Variants in FSD1L observed in about 807,000 individuals in gnomAD.
FSD1L encodes fibronectin type III and SPRY domain containing 1 like, also known as FSD1-like protein.
A neutral mutation model predicts 71.6 loss-of-function variants in FSD1L; 45 were observed. The ratio of observed to expected loss-of-function variants is 0.63; its 90% CI spans 0.49 to 0.81. FSD1L has a LOEUF of 0.81. Ranked by LOEUF, FSD1L falls within the 30% of genes least tolerant of loss-of-function variation. FSD1L has a pLI of 0.00. For missense variants in FSD1L, 561 were observed against 618.1 expected (o/e 0.91, Z 0.98); for synonymous variants, 197 against 207.2 (o/e 0.95, Z 0.42).
At chr9:105,501,618 A>C (rs1449024488) in intron 7 of FSD1L, among the ~76,000 whole-genome samples, 1 of 145,176 alleles carries the variant, frequency 6.9e-6, no homozygotes. Context: ...TTTTTTGCAG[A>C]GATAGAGATC....
intron 10 of FSD1L, chr9:105,520,221 C>T (rs1040517611): frequency 5.6e-6 from 9 of 1,610,562 alleles, no homozygotes; most frequent in Non-Finnish European, 7.6e-6. Context: ...CAAGCACCTG[C>T]GCATCGTCAT....
At chr9:105,480,907 C>T (rs1399934566) in intron 6 of FSD1L, among the ~76,000 whole-genome samples, 1 of 152,136 alleles carries the variant, frequency 6.6e-6, no homozygotes, top group East Asian at 1.9e-4. Context: ...CATGACCTTG[C>T]AAAATCTGTC....
intron 7 of FSD1L, among the ~76,000 whole-genome samples, chr9:105,504,981 C>T (rs1443049945): frequency 6.6e-6 from 1 of 152,112 alleles, no homozygotes; most frequent in Non-Finnish European, 1.5e-5. Flanking sequence ...TATTACTATT[C>T]TGCATTAGTG....
At chr9:105,498,437 C>T (rs945522814) in intron 7 of FSD1L, among the ~76,000 whole-genome samples, 1 of 151,948 alleles carries the variant, frequency 6.6e-6, no homozygotes, top group Non-Finnish European at 1.5e-5. Context: ...TGTTCCTAGG[C>T]TACAAACCTG....
intron 3 of FSD1L, among the ~76,000 whole-genome samples, chr9:105,465,700 CAA>C (rs1831015649): frequency 6.6e-6 from 1 of 152,108 alleles, no homozygotes; most frequent in Non-Finnish European, 1.5e-5. Context: ...TGACAGAATT[CAA>C]CATCCTTTCA....
intron 7 of FSD1L, among the ~76,000 whole-genome samples, chr9:105,491,935 A>G (rs1832970525): frequency 6.6e-6 from 1 of 152,184 alleles, no homozygotes; most frequent in Admixed American, 6.5e-5. Flanking sequence ...ATCAATGTTC[A>G]TCAAGGATAT....
intron 5 of FSD1L, among the ~76,000 whole-genome samples, chr9:105,476,641 T>G (rs1190117413): frequency 6.6e-6 from 1 of 152,226 alleles, no homozygotes; most frequent in Non-Finnish European, 1.5e-5. Context: ...TCTTTAGATC[T>G]TCTATTGAAA....
At chr9:105,533,416 C>CTATTTTTTTTTTTT (rs1836033198) in intron 10 of FSD1L, among the ~76,000 whole-genome samples, 1 of 29,070 alleles carries the variant, frequency 3.4e-5, no homozygotes. Context: ...CCATTTCCAT[C>CTATTTTTTTTTTTT]TTTTTTTTTT....
chr9:105,545,929 A>T (rs1458019594), intron 13 of FSD1L, among the ~76,000 whole-genome samples: 4 of 152,146 alleles, frequency 2.6e-5, no homozygotes, highest in Admixed American at 6.6e-5. Context: ...TTTTACTGTT[A>T]ACTGAGGGGT....
At chr9:105,448,275 C>A in intron 1 of FSD1L, 40 bp downstream of exon 1, 1 of 1,040,170 alleles carries the variant, frequency 9.6e-7, no homozygotes, top group Non-Finnish European at 1.3e-6. Flanking sequence ...CGAGACAAGC[C>A]GGGCCGGCAC....
At chr9:105,482,071 G>A (rs1331983421) in intron 6 of FSD1L, among the ~76,000 whole-genome samples, 4 of 152,104 alleles carry the variant, frequency 2.6e-5, no homozygotes, top group East Asian at 1.9e-4. Flanking sequence ...CACCATGTCC[G>A]CCCTAGGATT....
At chr9:105,466,953 T>C (rs1831123360) in intron 3 of FSD1L, among the ~76,000 whole-genome samples, 1 of 152,186 alleles carries the variant, frequency 6.6e-6, no homozygotes, top group South Asian at 2.1e-4. Flanking sequence ...ACAACCTCGT[T>C]GCTGAAGATG....
intron 7 of FSD1L, among the ~76,000 whole-genome samples, chr9:105,503,794 G>A (rs939627419): frequency 1.3e-5 from 2 of 152,126 alleles, no homozygotes; most frequent in African/African-American, 2.4e-5. Context: ...AACTTCCCAC[G>A]TTAGCTCCAA....
intron 3 of FSD1L, 50 bp from the exon 4 acceptor site, chr9:105,468,143 A>C (rs77277309): frequency 0.01 from 13,282 of 1,293,006 alleles, 92 homozygotes; most frequent in Middle Eastern, 0.027. Context: ...TTAGGTTTTA[A>C]ATGTTTGATA....
In FSD1L at chr9:105,511,019, C is replaced by T. The variant is rs193216781; in HGVS notation, c.896-1788C>T. 8.4e-3 allele frequency among the ~76,000 whole-genome samples: 1,246 copies of T among 148,462 alleles called. 19 individuals are homozygous for T. The highest frequency in any genetic ancestry group is 0.029 in the African/African-American group (1,191 of 40,480). On this transcript the variant is annotated intron_variant, in intron 9 of 13. Transcript: ENST00000481272. The stretch of plus-strand genomic sequence containing the variant: ...TTTTTTTTTAACTATAGAGTATTAT[C>T]TCTGTTACATTAGAGGAGCTCTATA...
upstream of FSD1L, among the ~76,000 whole-genome samples, chr9:105,444,009 G>C (rs1284580135): frequency 1.3e-5 from 2 of 152,144 alleles, no homozygotes; most frequent in African/African-American, 4.8e-5. Context: ...GCCAGATATA[G>C]TAGCAGGGAG....
chr9:105,513,192 A>G (rs535580985), intron 10 of FSD1L, among the ~76,000 whole-genome samples: 19 of 152,278 alleles, frequency 1.2e-4, no homozygotes, highest in African/African-American at 4.1e-4. Flanking sequence ...AAAGTTATAT[A>G]TACAGCAACT....
Position 105,549,219 on chromosome 9 carries a change from T to C in FSD1L, c.*2736T>C, listed in dbSNP as rs1837166963. On this transcript the variant is annotated 3_prime_UTR_variant, in exon 14 of 14. Coordinates refer to ENST00000481272, the MANE Select transcript of FSD1L (RefSeq NM_001145313.3). ...TGTCACAGGTATAAAACAGTTGTTT[T>C]CTAAAAACATGCATTTAGTATGGCA... is the stretch of plus-strand genomic sequence containing the variant. 1 of 152,094 alleles carries C rather than the reference T, an allele frequency of 6.6e-6. No homozygotes were observed. Among genetic ancestry groups the C allele is most frequent in the Non-Finnish European group, 1.5e-5 (1 of 67,958 alleles). The allele number at this position is 152,094 out of a possible 1,614,324, so 9.4% of individuals were successfully genotyped here.
Position 105,537,380 on chromosome 9 carries a change from T to C in FSD1L, c.1379-1883T>C, listed in dbSNP as rs188561282. Among the ~76,000 whole-genome samples the C allele has an allele frequency of 3.9e-5, 6 of 152,370 alleles. No individual in the cohort carries two copies. In the East Asian group the frequency reaches 9.6e-4, roughly 24 times the overall value. ...GCTGTGTTTTTTGTTTTTTAACTTA[T>C]TCACCTTGAATCAGTTAAATCATTT... On this transcript the variant is annotated intron_variant, in intron 12 of 13. Coordinates refer to ENST00000481272, the MANE Select transcript of FSD1L (RefSeq NM_001145313.3).
Sources: allele counts gnomAD v4.1 joint callset (sites outside exome capture counted in the v4.1 genomes callset), GRCh38; gene constraint gnomAD v4.1.1; transcripts MANE v1.5; gene names NCBI Gene and HGNC (gene_info 2026-07-23, HGNC 2026-07-21).